Variants in SPATA17 observed in about 807,000 individuals in gnomAD.
The protein encoded by SPATA17 is spermatogenesis-associated protein 17.
In SPATA17, 53 loss-of-function variants were observed where a neutral mutation model predicts 62.2. That is an observed-to-expected ratio of 0.85 (90% CI 0.68 to 1.07). The LOEUF (loss-of-function observed/expected upper bound fraction) is 1.07. SPATA17 is among the 50% of genes least tolerant of loss of function. SPATA17 has a pLI of 0.00. For missense variants in SPATA17, 466 were observed against 425.5 expected (o/e 1.10, Z -0.84); for synonymous variants, 146 against 146.8 (o/e 0.99, Z 0.04).
chr1:217,820,648 A>T (rs929118049), intron 9 of SPATA17, among the ~76,000 whole-genome samples: 1 of 152,022 alleles, frequency 6.6e-6, no homozygotes, highest in African/African-American at 2.4e-5. Context: ...GTTTGAAATG[A>T]CTTTAACTCA....
intron 1 of SPATA17, among the ~76,000 whole-genome samples, chr1:217,644,103 T>A (rs1434406236): frequency 6.6e-6 from 1 of 152,182 alleles, no homozygotes; most frequent in Non-Finnish European, 1.5e-5. Flanking sequence ...TTTCCATGAC[T>A]TCTGCACAGT....
chr1:217,824,235 C>A (rs1230943198), intron 9 of SPATA17, among the ~76,000 whole-genome samples: 1 of 151,818 alleles, frequency 6.6e-6, no homozygotes, highest in Non-Finnish European at 1.5e-5. Context: ...TTTTATTATT[C>A]ATTTCACTTA....
At position 217,778,120 on chromosome 1, in the gene SPATA17, T is replaced by A. The variant is rs1057466079; in HGVS notation, c.723+3583T>A. On this transcript the variant is annotated intron_variant, in intron 7 of 10. Transcript: ENST00000366933. ...ATCAAGAAAATAATAACTCCAGCAT[T>A]TCCACTGCATGTATATTAAGTGTTC... Among the ~76,000 whole-genome samples the A allele has an allele frequency of 3.9e-5, 6 of 152,308 alleles. No homozygotes were observed. The East Asian group carries it at 1.2e-3, about 29-fold the overall frequency.
Position 217,717,546 on chromosome 1 carries a change from G to A in SPATA17, c.396-24429G>A, listed in dbSNP as rs1672033425. Among the ~76,000 whole-genome samples the A allele has an allele frequency of 2.0e-5, 3 of 152,228 alleles. No individual in the cohort carries two copies. The South Asian group carries it at 6.2e-4, about 32-fold the overall frequency. On this transcript the variant is annotated intron_variant, in intron 5 of 10. Transcript: ENST00000366933. ...GAATTGCTTGAACCCAGGAGGCAGA[G>A]GTTGCGGTGTTCTGATATCACACCA...
At chr1:217,767,507 A>G (rs1007638988) in intron 6 of SPATA17, among the ~76,000 whole-genome samples, 2 of 151,928 alleles carry the variant, frequency 1.3e-5, no homozygotes. Flanking sequence ...CACATATGTT[A>G]TACCTTTTGT....
intron 8 of SPATA17, among the ~76,000 whole-genome samples, chr1:217,796,848 T>C (rs1378060890): frequency 6.6e-6 from 1 of 152,224 alleles, no homozygotes; most frequent in Non-Finnish European, 1.5e-5. Context: ...GTAAAGATGC[T>C]TTTTATTTTT....
At chr1:217,852,228 A>G (rs1302273440) in intron 9 of SPATA17, among the ~76,000 whole-genome samples, 1 of 152,150 alleles carries the variant, frequency 6.6e-6, no homozygotes, top group Non-Finnish European at 1.5e-5. Flanking sequence ...CAATGCATCA[A>G]GTGTTATTTC....
chr1:217,652,873 T>C (rs1670356805), intron 3 of SPATA17, among the ~76,000 whole-genome samples: 1 of 152,164 alleles, frequency 6.6e-6, no homozygotes, highest in Admixed American at 6.5e-5. Flanking sequence ...TTATGTCCCT[T>C]GTCTTTAAAA....
intron 6 of SPATA17, among the ~76,000 whole-genome samples, chr1:217,744,018 G>GTT: frequency 6.6e-6 from 1 of 151,982 alleles, no homozygotes; most frequent in South Asian, 2.1e-4. Context: ...TGAAGACTCA[G>GTT]TTTTTTTTAC....
At chr1:217,813,885 G>A (rs1674654498) in intron 9 of SPATA17, among the ~76,000 whole-genome samples, 1 of 151,856 alleles carries the variant, frequency 6.6e-6, no homozygotes, top group Non-Finnish European at 1.5e-5. Context: ...GCCAAATACT[G>A]TATTGTATTA....
At chr1:217,807,669 G>A (rs763305902) in intron 9 of SPATA17, among the ~76,000 whole-genome samples, 55 of 151,692 alleles carry the variant, frequency 3.6e-4, no homozygotes, top group Non-Finnish European at 6.9e-4. Flanking sequence ...ATTCAATAAG[G>A]GCTTCAGAAT....
intron 3 of SPATA17, among the ~76,000 whole-genome samples, chr1:217,655,779 T>TC (rs1670428076): frequency 6.6e-6 from 1 of 152,190 alleles, no homozygotes; most frequent in Non-Finnish European, 1.5e-5. Context: ...AAATAGTCCT[T>TC]CGTTTTCTCA....
Position 217,711,610 on chromosome 1 carries a change from A to G in SPATA17, c.395+28249A>G, listed in dbSNP as rs1194762519. Among the ~76,000 whole-genome samples, 8 of 152,308 alleles carry G rather than the reference A, an allele frequency of 5.3e-5. 1 individual carries two copies. The South Asian group carries it at 1.5e-3, about 28-fold the overall frequency. ...TTACTTTGCAGAGTTTTTGTGAAAT[A>G]TGCAGTATATGAAACACTGAGCTTA... On this transcript the variant is annotated intron_variant, in intron 5 of 10. Transcript: ENST00000366933.
chr1:217,644,497 T>C (rs1465924290), intron 1 of SPATA17, among the ~76,000 whole-genome samples: 1 of 152,130 alleles, frequency 6.6e-6, no homozygotes, highest in East Asian at 1.9e-4. Context: ...AGTTATATGA[T>C]AATGAAAAAG....
intron 4 of SPATA17, among the ~76,000 whole-genome samples, chr1:217,670,953 G>GAAAAAA (rs71661748): frequency 1.1e-5 from 1 of 87,130 alleles, no homozygotes; most frequent in Non-Finnish European, 2.3e-5. Context: ...TCCGTCTCAG[G>GAAAAAA]AAAAAAAAAA....
At chr1:217,855,550 T>C (rs1425628350) in intron 9 of SPATA17, among the ~76,000 whole-genome samples, 1 of 152,162 alleles carries the variant, frequency 6.6e-6, no homozygotes, top group African/African-American at 2.4e-5. Flanking sequence ...TATCTTTATA[T>C]CTTGTATTAC....
At chr1:217,749,983 CTCTA>C (rs1449559089) in intron 6 of SPATA17, among the ~76,000 whole-genome samples, 64 of 24,066 alleles carry the variant, frequency 2.7e-3, no homozygotes, top group Middle Eastern at 0.017. Context: ...CTCTCTCTCT[CTCTA>C]TATATATATA....
chr1:217,793,733 G>A (rs775399380), intron 8 of SPATA17, among the ~76,000 whole-genome samples: 3 of 152,142 alleles, frequency 2.0e-5, no homozygotes, highest in Non-Finnish European at 2.9e-5. Context: ...GAGACAGCAA[G>A]AAAGAGAACC....
chr1:217,633,599 C>A (rs1268877514), intron 1 of SPATA17, among the ~76,000 whole-genome samples: 1 of 152,134 alleles, frequency 6.6e-6, no homozygotes, highest in African/African-American at 2.4e-5. Flanking sequence ...TGTCACTAAA[C>A]AAAATTTTCT....
Sources: gnomAD v4.1 joint callset for allele counts (sites outside exome capture counted in the v4.1 genomes callset) on GRCh38, gnomAD v4.1.1 for gene constraint, MANE v1.5 for transcripts, NCBI Gene and HGNC (gene_info 2026-07-23, HGNC 2026-07-21) for gene names.